The following EMC2 variants were observed in gnomAD, a reference collection of about 807,000 sequenced individuals.
EMC2 encodes the protein TPR repeat protein 35.
Under a neutral mutation model 51.6 loss-of-function variants are expected in EMC2, and 37 were observed. That is an observed-to-expected ratio of 0.72 (90% CI 0.55 to 0.94). The LOEUF (loss-of-function observed/expected upper bound fraction) is 0.94. EMC2 is among the 40% of genes least tolerant of loss of function. The pLI, the probability that EMC2 is intolerant of heterozygous loss-of-function variation, is 0.00. For missense variants in EMC2, 359 were observed against 350.9 expected (o/e 1.02, Z -0.18); for synonymous variants, 131 against 112.4 (o/e 1.17, Z -1.04).
intron 9 of EMC2, 77 bp downstream of exon 9, chr8:108,476,969 C>T: frequency 1.5e-6 from 1 of 688,772 alleles, no homozygotes; most frequent in South Asian, 1.7e-5. Context: ...CCTTCAATCA[C>T]TCCTCTCCTG....
At chr8:108,462,279 A>T (rs534614374) in intron 5 of EMC2, among the ~76,000 whole-genome samples, 4 of 151,974 alleles carry the variant, frequency 2.6e-5, no homozygotes, top group South Asian at 2.1e-4. Flanking sequence ...GGTATACTCT[A>T]TGTAACAATA....
chr8:108,455,780 T>C, intron 4 of EMC2, 93 bp from the exon 5 acceptor site: 1 of 513,324 alleles, frequency 1.9e-6, no homozygotes, highest in African/African-American at 2.1e-5. Context: ...TAAATTAAAA[T>C]ATTAAAGCCA....
At chr8:108,472,944 G>T (rs1810883823) in intron 7 of EMC2, among the ~76,000 whole-genome samples, 1 of 151,956 alleles carries the variant, frequency 6.6e-6, no homozygotes, top group South Asian at 2.1e-4. Context: ...GAGCTCCTGG[G>T]CTAAAGTACT....
intron 1 of EMC2, among the ~76,000 whole-genome samples, chr8:108,448,595 CCTT>C (rs1331622672): frequency 2.0e-5 from 3 of 151,912 alleles, no homozygotes; most frequent in Admixed American, 6.5e-5. Flanking sequence ...ATGACTTTTT[CCTT>C]CTTGTCTTCT....
intron 10 of EMC2, among the ~76,000 whole-genome samples, chr8:108,484,497 A>G (rs375456410): frequency 1.2e-4 from 18 of 152,194 alleles, no homozygotes; most frequent in South Asian, 1.0e-3. Context: ...TTAAAAGATC[A>G]CACTGTATTA....
chr8:108,476,210 A>G (rs1394788217), intron 8 of EMC2, among the ~76,000 whole-genome samples: 2 of 151,884 alleles, frequency 1.3e-5, no homozygotes, highest in African/African-American at 4.8e-5. Flanking sequence ...TTTCCTAATT[A>G]TAAGTTATAT....
rs79593277 is a variant in EMC2, at chr8:108,483,382, G to C, written c.808-3130G>C. ...CAAGAAACTTTCCTTCTGCCATTTT[G>C]CAGTCAACCTCATCCCCCACTGGGA... On this transcript the variant is annotated intron_variant, in intron 10 of 10. Coordinates refer to ENST00000220853, the MANE Select transcript of EMC2 (RefSeq NM_014673.5). 6.3e-3 allele frequency among the ~76,000 whole-genome samples: 960 copies of C among 152,136 alleles called. 8 individuals carry two copies. Among genetic ancestry groups the C allele is most frequent in the Non-Finnish European group, 0.012 (783 of 67,984 alleles).
chr8:108,457,852 G>A (rs1819207542), intron 5 of EMC2, among the ~76,000 whole-genome samples: 1 of 152,182 alleles, frequency 6.6e-6, no homozygotes, highest in South Asian at 2.1e-4. Flanking sequence ...GTCTCCGAAA[G>A]TCTTAACTCA....
chr8:108,459,528 A>C (rs907876401), intron 5 of EMC2, among the ~76,000 whole-genome samples: 6 of 151,880 alleles, frequency 4.0e-5, no homozygotes, highest in Non-Finnish European at 8.8e-5. Flanking sequence ...GTGCAGGGAA[A>C]CTCCCATTTT....
intron 10 of EMC2, among the ~76,000 whole-genome samples, chr8:108,485,608 A>G (rs941666886): frequency 6.8e-6 from 1 of 146,984 alleles, no homozygotes; most frequent in Non-Finnish European, 1.5e-5. Context: ...CCATCAAGGA[A>G]CACTTACTTA....
At chr8:108,464,153 C>T in intron 5 of EMC2, 1 of 152,252 alleles carries the variant, frequency 6.6e-6, no homozygotes. Flanking sequence ...GCAGTGAATC[C>T]CACAGTTAAC....
intron 1 of EMC2, chr8:108,446,302 G>A (rs1441388106): frequency 7.0e-6 from 3 of 430,362 alleles, no homozygotes; most frequent in Non-Finnish European, 1.4e-5. Flanking sequence ...CTCAAAGAAG[G>A]TAGGAATCAT....
rs959493395 is a variant in EMC2 at position 108,443,654 on chromosome 8, G to A, written c.-5G>A. 1 of 1,608,806 alleles carries A rather than the reference G, an allele frequency of 6.2e-7. No homozygotes were observed. The highest frequency in any genetic ancestry group is 1.3e-5 in the African/African-American group (1 of 74,962). ...CTCACCCCGCTGCCTCTAGGTTCTG[G>A]GAAGATGGCGAAGGTCTCAGAGCTT... On this transcript the variant is annotated 5_prime_UTR_variant, in exon 1 of 11. Coordinates refer to ENST00000220853, the MANE Select transcript of EMC2 (RefSeq NM_014673.5).
chr8:108,457,331 C>T (rs62540837), intron 5 of EMC2, among the ~76,000 whole-genome samples: 161 of 128,068 alleles, frequency 1.3e-3, no homozygotes, highest in Middle Eastern at 3.9e-3. Flanking sequence ...CGTGTGTGTG[C>T]GTGTGTGTGT....
chr8:108,445,845 CACTA>C (rs1818866275), intron 1 of EMC2, among the ~76,000 whole-genome samples: 1 of 152,254 alleles, frequency 6.6e-6, no homozygotes, highest in East Asian at 1.9e-4. Flanking sequence ...TAATAATAAA[CACTA>C]ACACATTGTC....
chr8:108,469,459 A>G (rs1810807007), intron 5 of EMC2, among the ~76,000 whole-genome samples: 1 of 152,098 alleles, frequency 6.6e-6, no homozygotes, highest in Non-Finnish European at 1.5e-5. Flanking sequence ...TTTTTCCCCT[A>G]ATCTCCACTG....
chr8:108,479,155 T>C, intron 10 of EMC2, 45 bp downstream of exon 10: 1 of 1,163,470 alleles, frequency 8.6e-7, no homozygotes, highest in Non-Finnish European at 1.2e-6. Flanking sequence ...AGTTAATGTA[T>C]TTCTTAGTTT....
chr8:108,461,126 A>G (rs1819309098), intron 5 of EMC2, among the ~76,000 whole-genome samples: 2 of 152,236 alleles, frequency 1.3e-5, no homozygotes, highest in African/African-American at 4.8e-5. Context: ...AAAGCAACTT[A>G]GTATCTCAAA....
intron 4 of EMC2, among the ~76,000 whole-genome samples, chr8:108,454,304 G>C (rs559515551): frequency 4.0e-5 from 6 of 151,678 alleles, no homozygotes; most frequent in Non-Finnish European, 8.8e-5. Context: ...TTTGTTTTCT[G>C]CCTTCTCTGA....
Sources: allele counts gnomAD v4.1 joint callset (sites outside exome capture counted in the v4.1 genomes callset), GRCh38; gene constraint gnomAD v4.1.1; transcripts MANE v1.5; gene names NCBI Gene and HGNC (gene_info 2026-07-23, HGNC 2026-07-21).